USP19: variants seen among roughly 807,000 people sequenced by gnomAD.
USP19 encodes the protein ubiquitin specific peptidase 19.
A neutral mutation model predicts 144.8 loss-of-function variants in USP19; 40 were observed. The ratio of observed to expected loss-of-function variants is 0.28; its 90% CI spans 0.21 to 0.36. The LOEUF is 0.36. Among genes scored for constraint, USP19 ranks in the 10% least tolerant of loss-of-function variants. The pLI, the probability that USP19 is intolerant of heterozygous loss-of-function variation, is 1.00. For synonymous variants in USP19, 701 were observed against 709.3 expected (o/e 0.99, Z 0.19); for missense variants, 1,518 against 1,822.5 (o/e 0.83, Z 3.04).
Position 49,114,132 on chromosome 3 carries a change from C to T in USP19, c.2404-39G>A, listed in dbSNP as rs750722001. 8 of 1,613,958 alleles carry T rather than the reference C, an allele frequency of 5.0e-6. No individual in the cohort carries two copies. Among genetic ancestry groups the T allele is most frequent in the Middle Eastern group, 1.6e-4 (1 of 6,084 alleles). ...GGCAGTCAGTGAGGGAGGTGGGCCACGTTCTCTAGAACAGCCCAGAGGGTA... is the reference window on the plus strand; with the variant it reads ...GGCAGTCAGTGAGGGAGGTGGGCCATGTTCTCTAGAACAGCCCAGAGGGTA... On this transcript the variant is annotated intron_variant, in intron 16 of 26. Transcript: ENST00000417901. The surrounding 1 kb of genome is among the most constrained non-coding windows in gnomAD (Gnocchi z 4.5).
chr3:49,116,713 AC>A lies in USP19; in HGVS notation c.1126+13del. ...ACCCAACCTAGGGCTCTGCCTGCCC[AC>A]CCCCACCTTTACCATCCACCAAGGT... On this transcript the variant is annotated intron_variant, in intron 7 of 26. Coordinates refer to ENST00000417901, the MANE Select transcript of USP19 (RefSeq NM_001199161.2). This position sits in a 1 kb window ranked among gnomAD's most constrained non-coding sequence, Gnocchi z 5.0. The A allele has an allele frequency of 6.2e-7, 1 of 1,600,092 alleles. No individual in the cohort carries two copies. The highest frequency in any genetic ancestry group is 8.5e-7 in the Non-Finnish European group (1 of 1,170,518).
At chr3:49,109,412 A>G (rs1270656615) in intron 26 of USP19, among the ~76,000 whole-genome samples, 1 of 152,072 alleles carries the variant, frequency 6.6e-6, no homozygotes. Context: ...AACAGCTCTC[A>G]ATCCACATGC....
In USP19 at chr3:49,117,671, A is replaced by G. The variant is rs909193662; in HGVS notation, c.458T>C (p.Val153Ala). Residue 153 changes from valine to alanine, a missense_variant, in exon 4 of 27, where the codon GTG (valine) becomes GCG (alanine). Transcript: ENST00000417901. This position sits in a 1 kb window ranked among gnomAD's most constrained non-coding sequence, Gnocchi z 4.4. The part of the protein sequence containing the change: ...VDAAFTDTDC[V>A]VRFAGGQQWG... The stretch of plus-strand genomic sequence containing the variant: ...GATGGACACACCTGCAAACCGCACC[A>G]CACAGTCTGTATCTGTGAAAGCAGC... 1.9e-5 allele frequency: 31 copies of G among 1,614,118 alleles called. No individual in the cohort carries two copies. Among genetic ancestry groups the G allele is most frequent in the Non-Finnish European group, 2.5e-5 (29 of 1,180,046 alleles).
chr3:49,115,069 C>T lies in USP19; in HGVS notation c.2071G>A (p.Asp691Asn). Residue 691 changes from aspartate (D) to asparagine (N), a missense_variant, in exon 14 of 27, where the codon GAT becomes AAT. Coordinates refer to ENST00000417901, the MANE Select transcript of USP19 (RefSeq NM_001199161.2). This position sits in a 1 kb window ranked among gnomAD's most constrained non-coding sequence, Gnocchi z 6.6. ...ASQFTGYAQH[D>N]AQEFMAFLLD... ...AGGAAAGCCATGAACTCCTGGGCAT[C>T]ATGCTGTGCATAGCCTGTGAACTGG... 1 of 1,614,240 alleles carries T rather than the reference C, an allele frequency of 6.2e-7. No homozygotes were observed. Among genetic ancestry groups the T allele is most frequent in the Non-Finnish European group, 8.5e-7 (1 of 1,180,042 alleles).
At position 49,108,644 on chromosome 3, in the gene USP19, A is replaced by G. The variant is rs989537531; in HGVS notation, c.4039-116T>C. 3.1e-5 allele frequency: 39 copies of G among 1,264,066 alleles called. 1 individual carries two copies. The Admixed American group carries it at 3.6e-4, about 12-fold the overall frequency. 78.3% of individuals were successfully genotyped at this position (1,264,066 alleles called of 1,614,324 possible). On this transcript the variant is annotated intron_variant, in intron 26 of 26. Transcript: ENST00000417901. The surrounding 1 kb of genome is among the most constrained non-coding windows in gnomAD (Gnocchi z 4.8). ...GGAGGGTCCCAAGGCAGGCGCAGAC[A>G]GCAGCGGCGTTGAGACAGAGAGACG...
chr3:49,109,955 C>T, intron 26 of USP19: 1 of 432,722 alleles, frequency 2.3e-6, no homozygotes, highest in Non-Finnish European at 4.0e-6. Flanking sequence ...AAGTAGGTGC[C>T]AATGTGCTTG....
Position 49,117,225 on chromosome 3 carries a change from G to A in USP19, c.743C>T (p.Ala248Val). 1 of 1,549,560 alleles carries A rather than the reference G, an allele frequency of 6.5e-7. No individual in the cohort carries two copies. Among genetic ancestry groups the A allele is most frequent in the Non-Finnish European group, 8.7e-7 (1 of 1,147,910 alleles). Residue 248 changes from alanine (A) to valine (V), a missense_variant, in exon 6 of 27, where the codon GCC becomes GTC. Coordinates refer to ENST00000417901, the MANE Select transcript of USP19 (RefSeq NM_001199161.2). This position sits in a 1 kb window ranked among gnomAD's most constrained non-coding sequence, Gnocchi z 4.4. ...AKQEARNQKR[A>V]QGRGEVGAGA... ...TGCGCCTACCTCACCACGGCCCTGG[G>A]CCCGCTTCTGGTTCCGGGCCTCCTG...
chr3:49,108,968 C>A lies in USP19; in HGVS notation c.4039-440G>T, dbSNP rs201834559. The A allele has an allele frequency of 3.7e-6, 6 of 1,609,480 alleles. No homozygotes were observed. The highest frequency in any genetic ancestry group is 5.1e-6 in the Non-Finnish European group (6 of 1,177,694). ...TGCCTGCAGGCGAGCTCATCTCCAGCGACTCTGGGATACCAGAGGATAGAA... is the reference window on the plus strand; with the variant it reads ...TGCCTGCAGGCGAGCTCATCTCCAGAGACTCTGGGATACCAGAGGATAGAA... On this transcript the variant is annotated intron_variant, in intron 26 of 26. Transcript: ENST00000417901. The surrounding 1 kb of genome is among the most constrained non-coding windows in gnomAD (Gnocchi z 4.8).
rs2044412445 is a variant in USP19, at chr3:49,117,772, A to G, written c.357T>C (p.Asp119=). 6.2e-7 allele frequency: 1 copy of G among 1,614,140 alleles called. No individual in the cohort carries two copies. Among genetic ancestry groups the G allele is most frequent in the African/African-American group, 1.3e-5 (1 of 75,032 alleles). ...LATPTPELLL[D]WRQSAEEVIV... Reference sequence around the variant, plus strand: ...TCACCTCTTCTGCACTCTGCCTCCAATCGAGCAACAACTCTGGAGTGGGAG... The same window carrying G: ...TCACCTCTTCTGCACTCTGCCTCCAGTCGAGCAACAACTCTGGAGTGGGAG... The change falls in exon 4 of 27, where the codon GAT becomes GAC. Residue 119 remains aspartate (D), a synonymous_variant. Transcript: ENST00000417901. The surrounding 1 kb of genome is among the most constrained non-coding windows in gnomAD (Gnocchi z 4.4).
In USP19 at chr3:49,110,616, G is replaced by T. The variant is rs1374465961; in HGVS notation, c.3699-12C>A. 2 of 1,613,476 alleles carry T rather than the reference G, an allele frequency of 1.2e-6. No individual in the cohort carries two copies. The highest frequency in any genetic ancestry group is 4.5e-5 in the East Asian group (2 of 44,884). ...TCAGGTCCAGGTTCCTGCAGGTCAG[G>T]TCCAGTCAGGGAGGGGTGAGACAGG... On this transcript the variant is annotated splice_polypyrimidine_tract_variant and intron_variant, in intron 24 of 26. Coordinates refer to ENST00000417901, the MANE Select transcript of USP19 (RefSeq NM_001199161.2). The surrounding 1 kb of genome is among the most constrained non-coding windows in gnomAD (Gnocchi z 6.1).
In USP19 at chr3:49,108,953, C is replaced by G; in HGVS notation, c.4039-425G>C. ...CCAGCTCACAGCAGCTGCCTGCAGG[C>G]GAGCTCATCTCCAGCGACTCTGGGA... On this transcript the variant is annotated intron_variant, in intron 26 of 26. Transcript: ENST00000417901. The surrounding 1 kb of genome is among the most constrained non-coding windows in gnomAD (Gnocchi z 4.8). The G allele has an allele frequency of 6.2e-7, 1 of 1,604,852 alleles. No individual in the cohort carries two copies. The highest frequency in any genetic ancestry group is 2.2e-5 in the East Asian group (1 of 44,730).
intron 2 of USP19, 114 bp downstream of exon 2, chr3:49,118,908 C>T: frequency 6.7e-7 from 1 of 1,495,962 alleles, no homozygotes; most frequent in Admixed American, 1.9e-5. Context: ...CTTCTCTCAT[C>T]ATCAAACCAG....
Position 49,116,069 on chromosome 3 carries a change from GC to G in USP19, c.1448del (p.Gly483AlafsTer37). On this transcript the variant is annotated frameshift_variant, in exon 10 of 27. Transcript: ENST00000417901. LOFTEE classifies it high-confidence loss of function. This position sits in a 1 kb window ranked among gnomAD's most constrained non-coding sequence, Gnocchi z 5.0. ...GACCTCGTGCAGCCGGGGCCTCCAG[GC>G]CCCCCCAGCGCTGACTCTGCCTCTT... ...LRKRQSQRWG[G>X]LEAPAARGAV... 6.2e-7 allele frequency: 1 copy of G among 1,604,106 alleles called. No homozygotes were observed.
In USP19 at chr3:49,116,117, A is replaced by G; in HGVS notation, c.1401T>C (p.Ser467=). Reference sequence around the variant, plus strand: ...TCTTACGAAGGCAGATGTCGATGCGAGAAGCCGTGAAACAGAAGGTGCACT... The same window carrying G: ...TCTTACGAAGGCAGATGTCGATGCGGGAAGCCGTGAAACAGAAGGTGCACT... ...PEQCTFCFTA[S]RIDICLRKRQ... Residue 467 remains serine, a synonymous_variant, in exon 10 of 27, where the codon TCT becomes TCC. Coordinates refer to ENST00000417901, the MANE Select transcript of USP19 (RefSeq NM_001199161.2). This position sits in a 1 kb window ranked among gnomAD's most constrained non-coding sequence, Gnocchi z 5.0. The G allele has an allele frequency of 6.2e-7, 1 of 1,613,350 alleles. No individual in the cohort carries two copies. Among genetic ancestry groups the G allele is most frequent in the Non-Finnish European group, 8.5e-7 (1 of 1,179,830 alleles).
rs117294099 is a variant in USP19, at chr3:49,114,264, C to G, written c.2313G>C (p.Pro771=). 7 of 1,614,172 alleles carry G rather than the reference C, an allele frequency of 4.3e-6. No individual in the cohort carries two copies. Among genetic ancestry groups the G allele is most frequent in the Non-Finnish European group, 5.9e-6 (7 of 1,180,034 alleles). The change falls in exon 16 of 27, where the codon CCG becomes CCC. Residue 771 remains proline, a synonymous_variant. Coordinates refer to ENST00000417901, the MANE Select transcript of USP19 (RefSeq NM_001199161.2). This position sits in a 1 kb window ranked among gnomAD's most constrained non-coding sequence, Gnocchi z 4.5. ...GCAAGGGCACCGGCAGATAAAGAAA[C>G]GGGTCAAAAGTGATGGAGACCTGTG... is the stretch of plus-strand genomic sequence containing the variant. The part of the protein sequence containing the change: ...VCAKVSITFD[P]FLYLPVPLPQ...
At position 49,111,505 on chromosome 3, in the gene USP19, G is replaced by C. The variant is rs2043145075; in HGVS notation, c.3212C>G (p.Pro1071Arg). Residue 1071 changes from proline (P) to arginine (R), a missense_variant, in exon 21 of 27, where the codon CCC (proline) becomes CGC (arginine). Pro to Arg is a moderately radical substitution (Grantham distance 103, BLOSUM62 -2). This residue lies in a region of USP19 where 413 missense variants were observed against 515.8 expected (regional missense o/e 0.80). Transcript: ENST00000417901. The surrounding 1 kb of genome is among the most constrained non-coding windows in gnomAD (Gnocchi z 5.9). Reference protein sequence around the residue: ...SLPAGERVSRPEAAVPGYQHP... With the variant: ...SLPAGERVSRREAAVPGYQHP... ...AGCCTTTCACTGGATCTTACCTTCG[G>C]GTCGGGACACCCTCTCGCCAGCTGG... 6.2e-7 allele frequency: 1 copy of C among 1,611,528 alleles called. No individual in the cohort carries two copies. Among genetic ancestry groups the C allele is most frequent in the Non-Finnish European group, 8.5e-7 (1 of 1,179,850 alleles).
rs897428484 is a variant in USP19, at chr3:49,112,466, C to T, written c.2646+23G>A. 5.6e-6 allele frequency: 9 copies of T among 1,613,656 alleles called. No homozygotes were observed. The highest frequency in any genetic ancestry group is 7.6e-6 in the Non-Finnish European group (9 of 1,179,698). ...GTGCCCCACCCACCAGGGCGCTGTG[C>T]CATCAGGTTGGCCCCCACTCACCTG... On this transcript the variant is annotated intron_variant, in intron 18 of 26. Transcript: ENST00000417901. This position sits in a 1 kb window ranked among gnomAD's most constrained non-coding sequence, Gnocchi z 4.9.
chr3:49,114,485 A>C lies in USP19; in HGVS notation c.2293-201T>G, dbSNP rs577181361. On this transcript the variant is annotated intron_variant, in intron 15 of 26. Transcript: ENST00000417901. This position sits in a 1 kb window ranked among gnomAD's most constrained non-coding sequence, Gnocchi z 4.5. The stretch of plus-strand genomic sequence containing the variant: ...CCTTCTTTCTGGCACTCAAAGCCCT[A>C]CTCAGCTTAGCCACTTTACGAATTG... 5.3e-5 allele frequency among the ~76,000 whole-genome samples: 8 copies of C among 152,282 alleles called. No homozygotes were observed. The highest frequency in any genetic ancestry group is 1.9e-4 in the African/African-American group (8 of 41,552).
rs771925404 is a variant in USP19 at position 49,116,548 on chromosome 3, C to T, written c.1186G>A (p.Asp396Asn). ...VKNDSYEKGP[D>N]SVVVHVYVKE... ...ACGTACACGTGCACCACCACTGAATCCGGGCCCTTCTCATACGAGTCATTC... is the reference window on the plus strand; with the variant it reads ...ACGTACACGTGCACCACCACTGAATTCGGGCCCTTCTCATACGAGTCATTC... The change falls in exon 8 of 27, where the codon GAT becomes AAT. Residue 396 changes from aspartate (D) to asparagine (N), a missense_variant. This residue lies in a region of USP19 where 707 missense variants were observed against 728.9 expected (regional missense o/e 0.97). Coordinates refer to ENST00000417901, the MANE Select transcript of USP19 (RefSeq NM_001199161.2). This position sits in a 1 kb window ranked among gnomAD's most constrained non-coding sequence, Gnocchi z 5.0. The T allele has an allele frequency of 6.2e-7, 1 of 1,614,236 alleles. No individual in the cohort carries two copies. The highest frequency in any genetic ancestry group is 8.5e-7 in the Non-Finnish European group (1 of 1,180,036).
Sources: gnomAD v4.1 joint callset for allele counts (sites outside exome capture counted in the v4.1 genomes callset) on GRCh38, gnomAD v4.1.1 for gene constraint, gnomAD v4.1.1 regional missense constraint, Gnocchi (gnomAD v3.1) non-coding constraint, MANE v1.5 for transcripts, NCBI Gene and HGNC (gene_info 2026-07-23, HGNC 2026-07-21) for gene names.